The following ABCB1 variants were observed in gnomAD, a reference collection of about 807,000 sequenced individuals.
ABCB1 encodes the protein ATP binding cassette subfamily B member 1, also known as ATP-dependent translocase ABCB1.
A neutral mutation model predicts 142.0 loss-of-function variants in ABCB1; 69 were observed. The observed-to-expected ratio is 0.49, with a 90% CI of 0.40 to 0.59. The LOEUF (loss-of-function observed/expected upper bound fraction) is 0.59. Ranked by LOEUF, ABCB1 falls within the 20% of genes least tolerant of loss-of-function variation. The probability of loss-of-function intolerance (pLI) is 0.00; values close to 1 mark genes in which losing one functional copy is unlikely to be tolerated. For synonymous variants in ABCB1, 532 were observed against 539.2 expected (o/e 0.99, Z 0.18); for missense variants, 1,326 against 1,554.7 (o/e 0.85, Z 2.47).
chr7:87,589,834 G>GAGAA (rs1818918849), intron 3 of ABCB1, among the ~76,000 whole-genome samples: 1 of 147,260 alleles, frequency 6.8e-6, no homozygotes, highest in Non-Finnish European at 1.5e-5. Context: ...GAGAGAGAGA[G>GAGAA]AGGGAGAGAG....
At chr7:87,614,150 C>T (rs922997524) in intron 1 of ABCB1, among the ~76,000 whole-genome samples, 1 of 151,884 alleles carries the variant, frequency 6.6e-6, no homozygotes, top group African/African-American at 2.4e-5. Flanking sequence ...AATCCCAGTG[C>T]TTTGAGAGGC....
At chr7:87,610,472 A>C (rs1819813533) in intron 1 of ABCB1, among the ~76,000 whole-genome samples, 1 of 140,922 alleles carries the variant, frequency 7.1e-6, no homozygotes, top group Non-Finnish European at 1.5e-5. Flanking sequence ...ACATTCTGGC[A>C]ATCCTCTTTC....
At chr7:87,530,853 G>A (rs918898637) in intron 21 of ABCB1, among the ~76,000 whole-genome samples, 1 of 106,084 alleles carries the variant, frequency 9.4e-6, no homozygotes, top group South Asian at 3.0e-4. Flanking sequence ...AAGAAAGAAA[G>A]AAAGAAAGAA....
At chr7:87,576,279 A>G (rs1818272249) in intron 4 of ABCB1, among the ~76,000 whole-genome samples, 1 of 151,798 alleles carries the variant, frequency 6.6e-6, no homozygotes, top group South Asian at 2.1e-4. Context: ...ATGGTCTTAG[A>G]AAACTGTACT....
At chr7:87,589,667 C>T (rs1038478936) in intron 3 of ABCB1, among the ~76,000 whole-genome samples, 27 of 151,876 alleles carry the variant, frequency 1.8e-4, no homozygotes, top group African/African-American at 6.5e-4. Flanking sequence ...TGCCTGGGGT[C>T]CTAGCTACTC....
chr7:87,628,547 T>C (rs1584939547), intron 1 of ABCB1: 1 of 303,500 alleles, frequency 3.3e-6, no homozygotes, highest in Non-Finnish European at 6.0e-6. Flanking sequence ...AGCCCGGCAG[T>C]CGGCGGCGCG....
chr7:87,511,763 G>GT (rs1015656017), intron 25 of ABCB1, among the ~76,000 whole-genome samples: 1 of 152,210 alleles, frequency 6.6e-6, no homozygotes, highest in Non-Finnish European at 1.5e-5. Flanking sequence ...GATATTTTGT[G>GT]TCCCCCCTTG....
At chr7:87,604,024 G>A (rs1819557247), upstream of ABCB1, among the ~76,000 whole-genome samples, 1 of 152,094 alleles carries the variant, frequency 6.6e-6, no homozygotes. Flanking sequence ...ACTCATGTAT[G>A]TAGTCACATC....
At chr7:87,600,238 C>T in intron 1 of ABCB1, 48 bp from the exon 2 acceptor site, 13 of 1,534,842 alleles carry the variant, frequency 8.5e-6, no homozygotes, top group Non-Finnish European at 1.2e-5. Context: ...GCCTCAGGCG[C>T]GCTGGAGGTG....
In ABCB1 at chr7:87,624,838, G is replaced by C. The variant is rs141635963; in HGVS notation, c.-330-23760C>G. 4.3e-3 allele frequency among the ~76,000 whole-genome samples: 654 copies of C among 152,280 alleles called. 2 individuals carry two copies. Among genetic ancestry groups the C allele is most frequent in the Admixed American group, 7.8e-3 (120 of 15,300 alleles). On this transcript the variant is annotated intron_variant, in intron 1 of 28. Transcript: ENST00000265724. ...TCAAATAAGGCCCCCATGTGGCAGT[G>C]TAATGACACTCCATACATGCAAAAC...
At chr7:87,613,262 T>C (rs1028753786) in intron 1 of ABCB1, among the ~76,000 whole-genome samples, 6 of 142,352 alleles carry the variant, frequency 4.2e-5, no homozygotes, top group East Asian at 4.1e-4. Flanking sequence ...TATTTCTTTT[T>C]TTTTTTTTTT....
Position 87,549,960 on chromosome 7 carries a change from G to T in ABCB1, c.1445C>A (p.Thr482Asn), listed in dbSNP as rs199720786. ...VVSQEPVLFATTIAENIRYGR... is the reference protein window; with the variant it reads ...VVSQEPVLFANTIAENIRYGR... ...ATAGCGAATGTTTTCAGCTATCGTGGTGGCAAACAATACAGGTTCCTGACT... is the reference window on the plus strand; with the variant it reads ...ATAGCGAATGTTTTCAGCTATCGTGTTGGCAAACAATACAGGTTCCTGACT... The change falls in exon 13 of 28, where the codon ACC becomes AAC. Residue 482 changes from threonine (T) to asparagine (N), a missense_variant. Physicochemically the swap from Thr to Asn is moderately conservative, Grantham distance 65. Coordinates refer to ENST00000622132, the MANE Select transcript of ABCB1 (RefSeq NM_001348946.2). The T allele has an allele frequency of 1.9e-6, 3 of 1,614,066 alleles. No homozygotes were observed. The highest frequency in any genetic ancestry group is 2.5e-6 in the Non-Finnish European group (3 of 1,180,048).
In ABCB1 at chr7:87,681,559, C is replaced by T. The variant is rs374624139; in HGVS notation, c.-331+31602G>A. Among the ~76,000 whole-genome samples, 16 of 150,786 alleles carry T rather than the reference C, an allele frequency of 1.1e-4. No homozygotes were observed. In the East Asian group the frequency reaches 3.0e-3, roughly 28 times the overall value. ...GCATTATGTCTAAAAAATGTACATA[C>T]CCTAATTAAACTACTTTACTGCTAA... is the stretch of plus-strand genomic sequence containing the variant. On this transcript the variant is annotated intron_variant, in intron 1 of 28. Transcript: ENST00000265724.
intron 8 of ABCB1, among the ~76,000 whole-genome samples, chr7:87,554,316 G>A (rs550551936): frequency 1.9e-4 from 27 of 145,858 alleles, no homozygotes; most frequent in Non-Finnish European, 3.7e-4. Flanking sequence ...ATAAAATGGA[G>A]AGATAATGTT....
chr7:87,526,389 C>T (rs767984983), intron 21 of ABCB1, among the ~76,000 whole-genome samples: 2 of 151,940 alleles, frequency 1.3e-5, no homozygotes, highest in Non-Finnish European at 2.9e-5. Flanking sequence ...CCTTAAAAAT[C>T]CTTATGAGTG....
chr7:87,593,898 T>A (rs374045540), intron 3 of ABCB1, among the ~76,000 whole-genome samples: 1 of 152,220 alleles, frequency 6.6e-6, no homozygotes, highest in African/African-American at 2.4e-5. Flanking sequence ...TTGCCTTGTA[T>A]CCTTTTGTTG....
intron 1 of ABCB1, chr7:87,628,961 G>A (rs983715483): frequency 1.5e-6 from 2 of 1,308,190 alleles, no homozygotes; most frequent in African/African-American, 1.5e-5. Context: ...GCAGCGCAGG[G>A]CGAGGGGAAC....
intron 1 of ABCB1, chr7:87,629,162 AG>A (rs1820945036): frequency 2.5e-6 from 1 of 404,762 alleles, no homozygotes; most frequent in South Asian, 1.4e-4. Context: ...CCAGTGCTGA[AG>A]GTACTGGAGG....
At chr7:87,635,470 T>C (rs1223865811) in intron 1 of ABCB1, among the ~76,000 whole-genome samples, 1 of 152,238 alleles carries the variant, frequency 6.6e-6, no homozygotes, top group Admixed American at 6.5e-5. Flanking sequence ...GACACTAATG[T>C]ATAACTGACA....
Sources: allele counts gnomAD v4.1 joint callset (sites outside exome capture counted in the v4.1 genomes callset), GRCh38; gene constraint gnomAD v4.1.1; transcripts MANE v1.5; gene names NCBI Gene and HGNC (gene_info 2026-07-23, HGNC 2026-07-21).